AGL: variants seen among roughly 807,000 people sequenced by gnomAD.
AGL encodes glycogen debranching enzyme.
A neutral mutation model predicts 199.3 loss-of-function variants in AGL; 128 were observed. That is an observed-to-expected ratio of 0.64 (90% CI 0.56 to 0.74). AGL has a LOEUF of 0.74. Ranked by LOEUF, AGL falls within the 30% of genes least tolerant of loss-of-function variation. AGL has a pLI of 0.00. For missense variants in AGL, 1,809 were observed against 1,820.8 expected, an observed-to-expected ratio of 0.99 and a Z score of 0.12; for synonymous variants, 584 against 594.7, an observed-to-expected ratio of 0.98 and a Z score of 0.26.
chr1:99,851,026 A>G lies in AGL; in HGVS notation c.-17A>G. ...TTTTAATTCTTATGAAAGATTTCAA[A>G]TCCTCTAGAAGCCAAAATGGGACAC... On this transcript the variant is annotated 5_prime_UTR_variant, in exon 2 of 34. Transcript: ENST00000361915. The G allele has an allele frequency of 6.2e-7, 1 of 1,605,126 alleles. No homozygotes were observed. The highest frequency in any genetic ancestry group is 8.5e-7 in the Non-Finnish European group (1 of 1,171,856).
chr1:99,875,526 C>T, intron 10 of AGL, 71 bp downstream of exon 10: 2 of 1,312,202 alleles, frequency 1.5e-6, no homozygotes, highest in Non-Finnish European at 2.2e-6. Flanking sequence ...TTGAAATTAA[C>T]CTAAATGTTT....
At chr1:99,901,221 G>A (rs958869953) in intron 26 of AGL, among the ~76,000 whole-genome samples, 1 of 151,706 alleles carries the variant, frequency 6.6e-6, no homozygotes, top group Non-Finnish European at 1.5e-5. Context: ...TAGGACTTTC[G>A]GAGAGATGGA....
At chr1:99,864,672 G>A (rs1358663976) in intron 5 of AGL, 83 bp downstream of exon 5, 1 of 1,218,558 alleles carries the variant, frequency 8.2e-7, no homozygotes, top group Non-Finnish European at 1.2e-6. Context: ...GAGAAAGGAA[G>A]AAAGAAAGAG....
chr1:99,870,603 TCA>T (rs774001929), intron 6 of AGL, 22 bp downstream of exon 6: 40 of 1,613,300 alleles, frequency 2.5e-5, no homozygotes, highest in Non-Finnish European at 3.1e-5. Flanking sequence ...CAGAGGAGTA[TCA>T]CACTAAAACA....
intron 4 of AGL, among the ~76,000 whole-genome samples, chr1:99,863,674 C>G (rs528005375): frequency 1.3e-5 from 2 of 151,560 alleles, no homozygotes; most frequent in African/African-American, 2.4e-5. Context: ...TGGTCTCGAT[C>G]TCCTGACCTC....
At chr1:99,867,494 A>G (rs751001460) in intron 5 of AGL, among the ~76,000 whole-genome samples, 1 of 151,824 alleles carries the variant, frequency 6.6e-6, no homozygotes, top group Non-Finnish European at 1.5e-5. Flanking sequence ...GGCACAGTCT[A>G]TGAGTGTTTT....
intron 2 of AGL, among the ~76,000 whole-genome samples, chr1:99,859,270 A>G (rs554289208): frequency 7.2e-4 from 109 of 152,210 alleles, no homozygotes; most frequent in African/African-American, 1.9e-3. Flanking sequence ...TTCTTAGTCT[A>G]TCCCTTCATA....
At chr1:99,871,425 A>G (rs968933670) in intron 7 of AGL, among the ~76,000 whole-genome samples, 1 of 135,072 alleles carries the variant, frequency 7.4e-6, no homozygotes, top group African/African-American at 2.6e-5. Flanking sequence ...CCCCCCCCCA[A>G]CAAAATAGGG....
In AGL at chr1:99,916,359, A is replaced by G. The variant is rs759365788; in HGVS notation, c.4260-51A>G. 2.2e-6 allele frequency: 3 copies of G among 1,377,052 alleles called. No individual in the cohort carries two copies. In the South Asian group the frequency reaches 3.7e-5, roughly 17 times the overall value. 85.3% of individuals were successfully genotyped at this position (1,377,052 alleles called of 1,614,324 possible). On this transcript the variant is annotated intron_variant, in intron 31 of 33. Transcript: ENST00000361915. The stretch of plus-strand genomic sequence containing the variant: ...TATTGAAATTTTTCTAATGCTTTTT[A>G]CATAATATCTGATCATCTTTTATTT...
intron 25 of AGL, among the ~76,000 whole-genome samples, chr1:99,899,035 A>G (rs570120047): frequency 7.2e-5 from 11 of 152,284 alleles, no homozygotes; most frequent in African/African-American, 2.6e-4. Context: ...GCTTGAGTCC[A>G]CAAGTTCAAG....
At chr1:99,897,222 G>T (rs1653401688) in intron 25 of AGL, among the ~76,000 whole-genome samples, 1 of 152,210 alleles carries the variant, frequency 6.6e-6, no homozygotes. Flanking sequence ...CACATCAGTA[G>T]TGTCACCCTC....
rs1317830469 is a variant in AGL, at chr1:99,882,913, T to G, written c.2309-1207T>G. ...CCTGAATACCTAAAAGTTTCTTTAA[T>G]TGTTCACAAATGTATATTCACTATC... On this transcript the variant is annotated intron_variant, in intron 17 of 33. Coordinates refer to ENST00000361915, the MANE Select transcript of AGL (RefSeq NM_000642.3). 2.6e-5 allele frequency among the ~76,000 whole-genome samples: 4 copies of G among 152,196 alleles called. No individual in the cohort carries two copies. The East Asian group carries it at 7.7e-4, about 29-fold the overall frequency.
chr1:99,854,398 A>G (rs1448764987), intron 2 of AGL, among the ~76,000 whole-genome samples: 1 of 152,224 alleles, frequency 6.6e-6, no homozygotes, highest in Non-Finnish European at 1.5e-5. Flanking sequence ...AAACCGGTAA[A>G]TGTATCCAAA....
At chr1:99,877,110 T>C (rs1414603893) in intron 11 of AGL, among the ~76,000 whole-genome samples, 1 of 152,210 alleles carries the variant, frequency 6.6e-6, no homozygotes, top group Non-Finnish European at 1.5e-5. Context: ...ATATTTATTT[T>C]TTAACATTTC....
rs753336677 is a variant in AGL, at chr1:99,877,760, A to C, written c.1543A>C (p.Ile515Leu). 3.1e-6 allele frequency: 5 copies of C among 1,614,006 alleles called. No homozygotes were observed. The highest frequency in any genetic ancestry group is 1.3e-5 in the African/African-American group (1 of 74,942). ...LWAHMKKYTE[I>L]TATYFQGVRL... Reference sequence around the variant, plus strand: ...GGCACACATGAAAAAATACACTGAAATAACTGCAACTTATTTCCAGGGAGT... The same window carrying C: ...GGCACACATGAAAAAATACACTGAACTAACTGCAACTTATTTCCAGGGAGT... The change falls in exon 12 of 34, where the codon ATA (isoleucine) becomes CTA (leucine). Residue 515 changes from isoleucine to leucine, a missense_variant. Physicochemically the swap from Ile to Leu is conservative, Grantham distance 5. Transcript: ENST00000361915.
intron 28 of AGL, 49 bp downstream of exon 28, chr1:99,910,896 G>A (rs769947103): frequency 1.3e-6 from 2 of 1,576,518 alleles, no homozygotes; most frequent in Non-Finnish European, 1.7e-6. Context: ...CTTTAAGAAA[G>A]CACTTACTTG....
rs1280605941 is a variant in AGL, at chr1:99,888,220, TGG to T, written c.2812+113_2812+114del. The T allele has an allele frequency of 2.9e-6, 4 of 1,372,414 alleles. No homozygotes were observed. In the East Asian group the frequency reaches 9.5e-5, roughly 33 times the overall value. The allele number at this position is 1,372,414 out of a possible 1,614,324, so 85.0% of individuals were successfully genotyped here. A position where few individuals can be genotyped will look rare whatever the true frequency, so the allele number is the denominator to read the frequency against. On this transcript the variant is annotated intron_variant, in intron 21 of 33. Coordinates refer to ENST00000361915, the MANE Select transcript of AGL (RefSeq NM_000642.3). ...AGTATGCCTACTTGGGTTGCAATTA[TGG>T]CTCTGCTTCTGCTCATTAATTGACC...
In AGL at chr1:99,880,791, T is replaced by A. The variant is rs138823746; in HGVS notation, c.1895T>A (p.Ile632Asn). The change falls in exon 14 of 34, where the codon ATT (isoleucine) becomes AAT (asparagine). Residue 632 changes from isoleucine to asparagine, a missense_variant. By Grantham distance (149) the Ile-to-Asn change is moderately radical (BLOSUM62 -3). Transcript: ENST00000361915. ...ATTACGCATGATAATGAGTGTCCTA[T>A]TGTGGTAAGCACCTAATCTTTTTCA... ...MDITHDNECPIVHRSAYDALP... is the reference protein window; with the variant it reads ...MDITHDNECPNVHRSAYDALP... 6.2e-7 allele frequency: 1 copy of A among 1,613,886 alleles called. No individual in the cohort carries two copies. The highest frequency in any genetic ancestry group is 1.3e-5 in the African/African-American group (1 of 74,924).
chr1:99,869,487 A>G (rs988356511), intron 5 of AGL, among the ~76,000 whole-genome samples: 1 of 152,208 alleles, frequency 6.6e-6, no homozygotes, highest in Non-Finnish European at 1.5e-5. Context: ...TTAAGATTGC[A>G]TATTCTGAAG....
Sources: gnomAD v4.1 joint callset for allele counts (sites outside exome capture counted in the v4.1 genomes callset) on GRCh38, gnomAD v4.1.1 for gene constraint, MANE v1.5 for transcripts, NCBI Gene and HGNC (gene_info 2026-07-23, HGNC 2026-07-21) for gene names.